Variants in TNFRSF21 observed in about 807,000 individuals in gnomAD.
The protein encoded by TNFRSF21 is tumor necrosis factor receptor superfamily member 21.
Under a neutral mutation model 45.6 loss-of-function variants are expected in TNFRSF21, and 19 were observed. The observed-to-expected ratio is 0.42, with a 90% confidence interval of 0.29 to 0.61. The LOEUF is 0.61. TNFRSF21 is among the 20% of genes least tolerant of loss of function. The pLI, the probability that TNFRSF21 is intolerant of heterozygous loss-of-function variation, is 0.23. For missense variants in TNFRSF21, 737 were observed against 851.5 expected (o/e 0.87, Z 1.67); for synonymous variants, 314 against 335.5 (o/e 0.94, Z 0.70).
At chr6:47,281,467 G>A (rs554988267) in intron 3 of TNFRSF21, among the ~76,000 whole-genome samples, 1 of 151,110 alleles carries the variant, frequency 6.6e-6, no homozygotes, top group East Asian at 1.9e-4. Context: ...TGCAACCTCC[G>A]CCTCCCAGGT....
intron 1 of TNFRSF21, among the ~76,000 whole-genome samples, chr6:47,296,804 C>T (rs1426992812): frequency 6.6e-6 from 1 of 152,164 alleles, no homozygotes; most frequent in Non-Finnish European, 1.5e-5. Context: ...TCTGGCTGTT[C>T]ATTTGTATCC....
intron 1 of TNFRSF21, among the ~76,000 whole-genome samples, chr6:47,290,539 A>G (rs976892325): frequency 3.3e-5 from 5 of 152,064 alleles, no homozygotes; most frequent in African/African-American, 4.8e-5. Flanking sequence ...CAGCCCCAAC[A>G]CTCTTTCTCA....
chr6:47,286,980 A>G (rs1180081969), intron 1 of TNFRSF21, among the ~76,000 whole-genome samples: 2 of 152,220 alleles, frequency 1.3e-5, no homozygotes, highest in Non-Finnish European at 2.9e-5. Flanking sequence ...GCACTGGCTC[A>G]CACCTGTAAT....
chr6:47,285,209 G>A (rs1762628904), intron 2 of TNFRSF21, among the ~76,000 whole-genome samples: 1 of 151,926 alleles, frequency 6.6e-6, no homozygotes, highest in Admixed American at 6.6e-5. Flanking sequence ...ACACTAGGAG[G>A]AACAACTCAA....
chr6:47,271,923 C>T (rs1762425777), intron 3 of TNFRSF21, among the ~76,000 whole-genome samples: 1 of 152,032 alleles, frequency 6.6e-6, no homozygotes, highest in Non-Finnish European at 1.5e-5. Context: ...CAAAGAAGGC[C>T]ATTACATAAT....
At chr6:47,254,820 T>C (rs1429123964) in intron 3 of TNFRSF21, among the ~76,000 whole-genome samples, 1 of 152,192 alleles carries the variant, frequency 6.6e-6, no homozygotes, top group Non-Finnish European at 1.5e-5. Context: ...CTTCCAGGTA[T>C]TATGTTAAGG....
intron 3 of TNFRSF21, among the ~76,000 whole-genome samples, chr6:47,273,617 T>G (rs1173927801): frequency 6.6e-6 from 1 of 152,140 alleles, no homozygotes; most frequent in African/African-American, 2.4e-5. Context: ...AAGGATGCCC[T>G]CTCTCACCAC....
At position 47,286,119 on chromosome 6, in the gene TNFRSF21, G is replaced by C. The variant is rs539729078; in HGVS notation, c.573C>G (p.Asp191Glu). 1.2e-5 allele frequency: 20 copies of C among 1,614,238 alleles called. No individual in the cohort carries two copies. In the African/African-American group the frequency reaches 2.1e-4, roughly 17 times the overall value. Residue 191 changes from aspartate (D) to glutamate (E), a missense_variant, in exon 2 of 6, where the codon GAC becomes GAG. By Grantham distance (45) the Asp-to-Glu change is conservative (BLOSUM62 2). Coordinates refer to ENST00000296861, the MANE Select transcript of TNFRSF21 (RefSeq NM_014452.5). ...SSVMKCKAYT[D>E]CLSQNLVVIK... ...TCACCACCAGGTTCTGACTCAGACA[G>C]TCTGTGTATGCTTTGCATTTCATCA...
chr6:47,298,581 AT>A lies in TNFRSF21; in HGVS notation c.96+10834del, dbSNP rs1762821750. ...TTTAAAAAATCAAACAAATAATCAT[AT>A]TTTGTGACATATAACAATTATATGA... is the stretch of plus-strand genomic sequence containing the variant. On this transcript the variant is annotated intron_variant, in intron 1 of 5. Transcript: ENST00000296861. Among the ~76,000 whole-genome samples the A allele has an allele frequency of 2.0e-5, 3 of 152,358 alleles. No individual in the cohort carries two copies. In the South Asian group the frequency reaches 6.2e-4, roughly 32 times the overall value.
Position 47,283,195 on chromosome 6 carries a change from A to G in TNFRSF21, c.1243+743T>C, listed in dbSNP as rs1260848547. Among the ~76,000 whole-genome samples, 4 of 152,196 alleles carry G rather than the reference A, an allele frequency of 2.6e-5. No homozygotes were observed. In the East Asian group the frequency reaches 7.7e-4, roughly 29 times the overall value. ...ACAGTCTGAAAACTGCAGTCTTCAG[A>G]TCAAACTTAGCTCTGGGACAAGTTC... On this transcript the variant is annotated intron_variant, in intron 3 of 5. Coordinates refer to ENST00000296861, the MANE Select transcript of TNFRSF21 (RefSeq NM_014452.5).
At position 47,309,539 on chromosome 6, in the gene TNFRSF21, CCGGGGCGCG is replaced by C. The variant is rs1427950811; in HGVS notation, c.-37_-29del. The C allele has an allele frequency of 7.1e-7, 1 of 1,404,432 alleles. No homozygotes were observed. The highest frequency in any genetic ancestry group is 9.2e-7 in the Non-Finnish European group (1 of 1,087,148). 87.0% of individuals were successfully genotyped at this position (1,404,432 alleles called of 1,614,324 possible). A position where few individuals can be genotyped will look rare whatever the true frequency, so the allele number is the denominator to read the frequency against. On this transcript the variant is annotated 5_prime_UTR_variant, in exon 1 of 6. Coordinates refer to ENST00000296861, the MANE Select transcript of TNFRSF21 (RefSeq NM_014452.5). ...CTGAACCGGGGACTCGCAGGGGCGC[CCGGGGCGCG>C]CGGGGCAGCTGGAATCGGCGGCTGC...
Position 47,245,133 on chromosome 6 carries a change from A to G in TNFRSF21, c.1509+8123T>C, listed in dbSNP as rs559756142. ...GGGGTGGGAAATGTCATCCACTAAC[A>G]GACCCAGCCTTTTCTGAATGGTGAG... On this transcript the variant is annotated intron_variant, in intron 4 of 5. Coordinates refer to ENST00000296861, the MANE Select transcript of TNFRSF21 (RefSeq NM_014452.5). Among the ~76,000 whole-genome samples the G allele has an allele frequency of 5.1e-4, 77 of 152,294 alleles. 1 individual carries two copies. The highest frequency in any genetic ancestry group is 1.5e-3 in the African/African-American group (63 of 41,564).
intron 3 of TNFRSF21, among the ~76,000 whole-genome samples, chr6:47,282,181 T>A (rs1002222506): frequency 2.0e-5 from 3 of 150,756 alleles, no homozygotes; most frequent in Non-Finnish European, 4.4e-5. Flanking sequence ...AGGTTGGGAG[T>A]TCAAGACCAG....
At chr6:47,290,359 C>A (rs1762708210) in intron 1 of TNFRSF21, among the ~76,000 whole-genome samples, 1 of 152,112 alleles carries the variant, frequency 6.6e-6, no homozygotes. Flanking sequence ...GGTGGCTCTG[C>A]AGAATGAGCA....
At chr6:47,242,979 G>C (rs9918326) in intron 4 of TNFRSF21, among the ~76,000 whole-genome samples, 1 of 152,164 alleles carries the variant, frequency 6.6e-6, no homozygotes, top group Non-Finnish European at 1.5e-5. Context: ...TTTAAAGCTT[G>C]CCATAAGACA....
At chr6:47,288,335 A>G (rs1269133674) in intron 1 of TNFRSF21, among the ~76,000 whole-genome samples, 2 of 152,220 alleles carry the variant, frequency 1.3e-5, no homozygotes, top group South Asian at 2.1e-4. Context: ...GTTTGAAAAC[A>G]GAGCTAATCT....
chr6:47,299,639 C>T (rs1762839515), intron 1 of TNFRSF21, among the ~76,000 whole-genome samples: 1 of 152,074 alleles, frequency 6.6e-6, no homozygotes, highest in Non-Finnish European at 1.5e-5. Context: ...TGACAGAGGG[C>T]TACATGAGTA....
At chr6:47,266,886 A>G (rs1010027792) in intron 3 of TNFRSF21, among the ~76,000 whole-genome samples, 11 of 152,018 alleles carry the variant, frequency 7.2e-5, no homozygotes, top group African/African-American at 2.7e-4. Flanking sequence ...AAGTTGCCTC[A>G]CTCCACACAT....
chr6:47,252,552 T>C (rs1247574166), intron 4 of TNFRSF21, among the ~76,000 whole-genome samples: 1 of 152,222 alleles, frequency 6.6e-6, no homozygotes, highest in East Asian at 1.9e-4. Flanking sequence ...TTATTTCTCA[T>C]CTTAATCTTA....
Sources: allele counts gnomAD v4.1 joint callset (sites outside exome capture counted in the v4.1 genomes callset), GRCh38; gene constraint gnomAD v4.1.1; transcripts MANE v1.5; gene names NCBI Gene and HGNC (gene_info 2026-07-23, HGNC 2026-07-21).